AK5: variants seen among roughly 807,000 people sequenced by gnomAD.
The protein encoded by AK5 is adenylate kinase isoenzyme 5.
In AK5, 27 loss-of-function variants were observed where a neutral mutation model predicts 69.5. That is an observed-to-expected ratio of 0.39 (90% CI 0.29 to 0.54). The LOEUF is 0.54. Among genes scored for constraint, AK5 ranks in the 20% least tolerant of loss-of-function variants. AK5 has a pLI of 0.71. For synonymous variants in AK5, 260 were observed against 244.4 expected, an observed-to-expected ratio of 1.06 and a Z score of -0.60; for missense variants, 531 against 700.4, an observed-to-expected ratio of 0.76 and a Z score of 2.73.
At chr1:77,352,142 G>C (rs139030509) in intron 6 of AK5, among the ~76,000 whole-genome samples, 9,638 of 151,670 alleles carry the variant, frequency 0.064, 504 homozygotes, top group East Asian at 0.26. Flanking sequence ...GTTGGCCAGG[G>C]TGGTCTCGAA....
At chr1:77,386,684 T>C (rs1648053761) in intron 6 of AK5, among the ~76,000 whole-genome samples, 1 of 152,236 alleles carries the variant, frequency 6.6e-6, no homozygotes, top group Non-Finnish European at 1.5e-5. Context: ...AGCTGTTACA[T>C]ATGTATAATG....
chr1:77,294,514 A>G (rs1367750282), intron 3 of AK5, among the ~76,000 whole-genome samples: 1 of 152,152 alleles, frequency 6.6e-6, no homozygotes. Context: ...AAATAATAAT[A>G]TATTGGTAAA....
chr1:77,476,892 G>A (rs1297408140), intron 8 of AK5, among the ~76,000 whole-genome samples: 4 of 129,012 alleles, frequency 3.1e-5, no homozygotes, highest in African/African-American at 1.2e-4. Context: ...TGTGTGAGGT[G>A]TTTTGCTGTT....
rs1460704582 is a variant in AK5, at chr1:77,306,727, C to T, written c.699+8780C>T. 3.3e-5 allele frequency among the ~76,000 whole-genome samples: 5 copies of T among 151,954 alleles called. 1 individual carries two copies. The highest frequency in any genetic ancestry group is 2.0e-4 in the Admixed American group (3 of 15,268). On this transcript the variant is annotated intron_variant, in intron 5 of 13. Transcript: ENST00000354567. ...GAATTCAACAGTGAAGCCATCTGGT[C>T]CCAGGCTTTTTCTTAACTGGGAGAT...
At chr1:77,555,939 G>C (rs373761728) in intron 13 of AK5, among the ~76,000 whole-genome samples, 69 of 152,386 alleles carry the variant, frequency 4.5e-4, no homozygotes, top group African/African-American at 1.5e-3. Flanking sequence ...GCAAGGTGCT[G>C]TGGGGGCCAT....
chr1:77,491,468 G>A lies in AK5; in HGVS notation c.1147+5116G>A, dbSNP rs1000854000. ...ATTACAGGCGCCTGCCATGGCGCCC[G>A]GCTAATTTTTGTGTTTTTCGTAGAG... On this transcript the variant is annotated intron_variant, in intron 10 of 13. Transcript: ENST00000354567. 8.6e-5 allele frequency among the ~76,000 whole-genome samples: 13 copies of A among 151,958 alleles called. No homozygotes were observed. In the South Asian group the frequency reaches 1.0e-3, roughly 12 times the overall value.
Position 77,417,730 on chromosome 1 carries a change from A to G in AK5, c.1059+15A>G, listed in dbSNP as rs775247653. ...ATGAAGATCAGGTAATTAAAATCTG[A>G]AAATAGTTCTCTATTTAAATGTTTT... On this transcript the variant is annotated intron_variant, in intron 8 of 13. Coordinates refer to ENST00000354567, the MANE Select transcript of AK5 (RefSeq NM_174858.3). 56 of 1,479,022 alleles carry G rather than the reference A, an allele frequency of 3.8e-5. No individual in the cohort carries two copies. Among genetic ancestry groups the G allele is most frequent in the Non-Finnish European group, 5.1e-5 (54 of 1,065,452 alleles). The allele number at this position is 1,479,022 out of a possible 1,614,324, so 91.6% of individuals were successfully genotyped here.
chr1:77,507,161 T>C (rs1440356266), intron 10 of AK5, among the ~76,000 whole-genome samples: 2 of 152,244 alleles, frequency 1.3e-5, no homozygotes, highest in Non-Finnish European at 2.9e-5. Context: ...TCCTGTATTT[T>C]ATCTGGCCAC....
At chr1:77,310,832 C>T (rs1659908629) in intron 5 of AK5, among the ~76,000 whole-genome samples, 1 of 152,000 alleles carries the variant, frequency 6.6e-6, no homozygotes, top group Admixed American at 6.5e-5. Flanking sequence ...CACATATTCC[C>T]ATCCATGAAC....
intron 5 of AK5, among the ~76,000 whole-genome samples, chr1:77,323,201 G>A (rs1469802060): frequency 6.6e-6 from 1 of 151,814 alleles, no homozygotes; most frequent in Non-Finnish European, 1.5e-5. Context: ...CATGTTGGCC[G>A]GACTGGTCTC....
At chr1:77,328,673 G>A (rs74666069) in intron 5 of AK5, among the ~76,000 whole-genome samples, 10,241 of 152,122 alleles carry the variant, frequency 0.067, 429 homozygotes, top group Non-Finnish European at 0.085. Context: ...ATCCACTAAC[G>A]ATATACTCTG....
chr1:77,441,165 T>G (rs148379873), intron 8 of AK5, among the ~76,000 whole-genome samples: 1 of 152,318 alleles, frequency 6.6e-6, no homozygotes, highest in Admixed American at 6.5e-5. Context: ...AAATGATATC[T>G]CTGTTGTACT....
At chr1:77,484,728 A>G (rs1031975577) in intron 9 of AK5, among the ~76,000 whole-genome samples, 7 of 152,224 alleles carry the variant, frequency 4.6e-5, no homozygotes, top group African/African-American at 1.2e-4. Flanking sequence ...GACATAAATT[A>G]TCATGGTTAA....
At chr1:77,412,961 C>G (rs1650145301) in intron 7 of AK5, among the ~76,000 whole-genome samples, 1 of 152,136 alleles carries the variant, frequency 6.6e-6, no homozygotes, top group Non-Finnish European at 1.5e-5. Context: ...CATTCCTCAT[C>G]CCTGGCCTCT....
chr1:77,516,797 C>T (rs1657669608), intron 10 of AK5, among the ~76,000 whole-genome samples: 1 of 152,066 alleles, frequency 6.6e-6, no homozygotes, highest in Admixed American at 6.6e-5. Flanking sequence ...GGGCCCGGCA[C>T]AGTGGCTCAT....
At chr1:77,350,067 A>G (rs1158679135) in intron 6 of AK5, among the ~76,000 whole-genome samples, 1 of 152,238 alleles carries the variant, frequency 6.6e-6, no homozygotes. Flanking sequence ...CCAGGGTACC[A>G]CAGCAGGCAC....
intron 8 of AK5, among the ~76,000 whole-genome samples, chr1:77,423,623 C>T (rs1042309405): frequency 9.2e-5 from 14 of 151,826 alleles, no homozygotes; most frequent in Non-Finnish European, 2.1e-4. Flanking sequence ...CAAGCAGAAA[C>T]GTCTGTAGAA....
intron 10 of AK5, among the ~76,000 whole-genome samples, chr1:77,515,988 G>A (rs1029482143): frequency 2.0e-5 from 3 of 152,100 alleles, no homozygotes; most frequent in East Asian, 3.8e-4. Context: ...GCTTCAGCCC[G>A]GGAGTTTTGA....
chr1:77,303,163 G>A (rs1488036104), intron 5 of AK5, among the ~76,000 whole-genome samples: 1 of 152,170 alleles, frequency 6.6e-6, no homozygotes, highest in Non-Finnish European at 1.5e-5. Context: ...GGGGAGGACA[G>A]TTTTAGTCCT....
Sources: gnomAD v4.1 joint callset for allele counts (sites outside exome capture counted in the v4.1 genomes callset) on GRCh38, gnomAD v4.1.1 for gene constraint, MANE v1.5 for transcripts, NCBI Gene and HGNC (gene_info 2026-07-23, HGNC 2026-07-21) for gene names.